ANXA4: variants seen among roughly 807,000 people sequenced by gnomAD.
ANXA4 encodes annexin A4.
In ANXA4, 39 loss-of-function variants were observed where a neutral mutation model predicts 49.8. That is an observed-to-expected ratio of 0.78 (90% CI 0.61 to 1.02). The LOEUF is 1.02. Among genes scored for constraint, ANXA4 ranks in the 50% least tolerant of loss-of-function variants. The pLI is 0.00. For synonymous variants in ANXA4, 134 were observed against 152.5 expected (o/e 0.88, Z 0.89); for missense variants, 360 against 410.1 (o/e 0.88, Z 1.05).
chr2:69,791,362 C>G (rs1406346929), intron 3 of ANXA4, among the ~76,000 whole-genome samples: 2 of 152,176 alleles, frequency 1.3e-5, no homozygotes, highest in African/African-American at 2.4e-5. Flanking sequence ...ACCAGTTTTT[C>G]CAATTGTGTT....
chr2:69,730,480 C>T lies in ANXA4; in HGVS notation n.864+9609C>T, dbSNP rs1670069463. Among the ~76,000 whole-genome samples, 2 of 152,070 alleles carry T rather than the reference C, an allele frequency of 1.3e-5. 1 individual carries two copies. The highest frequency in any genetic ancestry group is 4.2e-4 in the South Asian group (2 of 4,818). On this transcript the variant is annotated intron_variant and non_coding_transcript_variant, in intron 3 of 3. Transcript: ENST00000418066. ...TTGTACCATTGCACTCCAGCCTGGG[C>T]GACAAGAATGAAATTCAGTCTTAAC...
rs1268290092 is a variant in ANXA4 at position 69,683,191 on chromosome 2, C to T, written n.766+29909C>T. ...ATATGTCAATAAACATATATTCTAACAAACTCAGGCCTGCTAAATGCGGCT... is the reference window on the plus strand; with the variant it reads ...ATATGTCAATAAACATATATTCTAATAAACTCAGGCCTGCTAAATGCGGCT... On this transcript the variant is annotated intron_variant and non_coding_transcript_variant, in intron 2 of 3. Coordinates refer to the ANXA4 transcript ENST00000418066. Among the ~76,000 whole-genome samples, 3 of 152,190 alleles carry T rather than the reference C, an allele frequency of 2.0e-5. No individual in the cohort carries two copies. The East Asian group carries it at 5.8e-4, about 29-fold the overall frequency.
intron 3 of ANXA4, among the ~76,000 whole-genome samples, chr2:69,732,062 A>ACTC (rs111596731): frequency 0.057 from 8,445 of 148,012 alleles, 708 homozygotes; most frequent in African/African-American, 0.19. Context: ...CTCACTGCAA[A>ACTC]CTCCTCCTGG....
intron 1 of ANXA4, among the ~76,000 whole-genome samples, chr2:69,760,850 GTA>G (rs1270840303): frequency 1.3e-5 from 2 of 152,110 alleles, no homozygotes; most frequent in East Asian, 3.8e-4. Flanking sequence ...TAAAATATGT[GTA>G]GAGTTTGCTA....
At chr2:69,783,980 C>T (rs538549681) in intron 2 of ANXA4, among the ~76,000 whole-genome samples, 20 of 152,180 alleles carry the variant, frequency 1.3e-4, no homozygotes, top group African/African-American at 4.6e-4. Flanking sequence ...ATTAGTATTC[C>T]ATTGTATTGT....
intron 5 of ANXA4, among the ~76,000 whole-genome samples, chr2:69,807,432 T>A (rs1283981551): frequency 6.6e-6 from 1 of 152,172 alleles, no homozygotes; most frequent in Non-Finnish European, 1.5e-5. Flanking sequence ...GTCCCCACCT[T>A]AGGATGGTTC....
intron 3 of ANXA4, among the ~76,000 whole-genome samples, chr2:69,789,822 T>A (rs1672599359): frequency 6.6e-6 from 1 of 152,166 alleles, no homozygotes; most frequent in Admixed American, 6.5e-5. Context: ...TGTTTCTTTG[T>A]CTTGCTTATC....
chr2:69,805,486 A>C (rs540037813), intron 4 of ANXA4, among the ~76,000 whole-genome samples: 1 of 152,000 alleles, frequency 6.6e-6, no homozygotes, highest in Non-Finnish European at 1.5e-5. Flanking sequence ...GGCACCTGTA[A>C]TCCCAGCTAC....
chr2:69,778,530 C>G (rs898917899), intron 1 of ANXA4, among the ~76,000 whole-genome samples: 24 of 152,204 alleles, frequency 1.6e-4, no homozygotes, highest in African/African-American at 5.8e-4. Context: ...AATCCCAACA[C>G]TTTGGGAGGC....
chr2:69,802,818 C>T (rs1442202667), intron 3 of ANXA4, among the ~76,000 whole-genome samples: 1 of 151,934 alleles, frequency 6.6e-6, no homozygotes, highest in African/African-American at 2.4e-5. Flanking sequence ...GGTAATGAAC[C>T]CTCTCTGCCC....
chr2:69,775,898 A>T (rs1327068405), intron 1 of ANXA4, among the ~76,000 whole-genome samples: 2 of 152,140 alleles, frequency 1.3e-5, no homozygotes, highest in Admixed American at 6.5e-5. Context: ...TGAGAGTTAG[A>T]TAAGTTAAAG....
At chr2:69,651,035 T>C (rs1219511879) in intron 1 of ANXA4, among the ~76,000 whole-genome samples, 1 of 152,228 alleles carries the variant, frequency 6.6e-6, no homozygotes, top group Non-Finnish European at 1.5e-5. Flanking sequence ...GTTTATAATG[T>C]AGTAATTATT....
At chr2:69,691,871 AG>A (rs1677984096) in intron 2 of ANXA4, among the ~76,000 whole-genome samples, 1 of 152,034 alleles carries the variant, frequency 6.6e-6, no homozygotes, top group Non-Finnish European at 1.5e-5. Flanking sequence ...CAGTAACTTC[AG>A]GTTTTTTGTT....
intron 2 of ANXA4, among the ~76,000 whole-genome samples, chr2:69,708,341 C>G: frequency 6.6e-6 from 1 of 152,168 alleles, no homozygotes; most frequent in East Asian, 1.9e-4. Flanking sequence ...ACGGACACGA[C>G]TAGCCAGGAT....
intron 1 of ANXA4, among the ~76,000 whole-genome samples, chr2:69,754,460 G>A (rs1191292082): frequency 6.6e-6 from 1 of 152,020 alleles, no homozygotes; most frequent in Non-Finnish European, 1.5e-5. Flanking sequence ...GGGGGTCTTG[G>A]TATGTTACCC....
intron 3 of ANXA4, among the ~76,000 whole-genome samples, chr2:69,800,527 A>T (rs543125539): frequency 3.2e-4 from 48 of 152,358 alleles, no homozygotes; most frequent in African/African-American, 9.4e-4. Context: ...ACTATGATTA[A>T]TTCATAATAT....
chr2:69,801,866 C>T (rs756973989), intron 3 of ANXA4, among the ~76,000 whole-genome samples: 1 of 152,078 alleles, frequency 6.6e-6, no homozygotes, highest in Non-Finnish European at 1.5e-5. Context: ...CACAGACATG[C>T]GGGAATGACC....
intron 3 of ANXA4, among the ~76,000 whole-genome samples, chr2:69,728,466 T>C (rs1323974672): frequency 6.6e-6 from 1 of 152,244 alleles, no homozygotes; most frequent in Non-Finnish European, 1.5e-5. Flanking sequence ...TACCACAAGG[T>C]CATGAAGATA....
chr2:69,690,466 T>C (rs1677925888), intron 2 of ANXA4, among the ~76,000 whole-genome samples: 1 of 152,206 alleles, frequency 6.6e-6, no homozygotes, highest in Admixed American at 6.5e-5. Context: ...CTTGAACTCC[T>C]GACCTCAAGT....
Sources: allele counts gnomAD v4.1 joint callset (sites outside exome capture counted in the v4.1 genomes callset), GRCh38; gene constraint gnomAD v4.1.1; transcripts MANE v1.5; gene names NCBI Gene and HGNC (gene_info 2026-07-23, HGNC 2026-07-21).